SLC13A1: variants seen among roughly 807,000 people sequenced by gnomAD.
SLC13A1 encodes solute carrier family 13 member 1.
A neutral mutation model predicts 70.0 loss-of-function variants in SLC13A1; 65 were observed. The observed-to-expected ratio is 0.93, with a 90% CI of 0.76 to 1.14. The LOEUF is 1.14. SLC13A1 is among the 50% of genes most tolerant of loss of function. SLC13A1 has a pLI of 0.00. For missense variants in SLC13A1, 726 were observed against 717.8 expected, an observed-to-expected ratio of 1.01 and a Z score of -0.13; for synonymous variants, 275 against 250.5, an observed-to-expected ratio of 1.10 and a Z score of -0.92.
At chr7:123,119,862 C>T (rs1284552633) in intron 12 of SLC13A1, among the ~76,000 whole-genome samples, 1 of 151,904 alleles carries the variant, frequency 6.6e-6, no homozygotes, top group Non-Finnish European at 1.5e-5. Flanking sequence ...ATGTTTACCC[C>T]TATGATTAAA....
Position 123,171,894 on chromosome 7 carries a change from G to A in SLC13A1, c.239C>T (p.Ala80Val). The A allele has an allele frequency of 6.2e-7, 1 of 1,612,514 alleles. No individual in the cohort carries two copies. Among genetic ancestry groups the A allele is most frequent in the Non-Finnish European group, 8.5e-7 (1 of 1,179,342 alleles). Residue 80 changes from alanine (A) to valine (V), a missense_variant, in exon 3 of 15, where the codon GCT becomes GTT. By Grantham distance (64) the Ala-to-Val change is moderately conservative. Coordinates refer to ENST00000194130, the MANE Select transcript of SLC13A1 (RefSeq NM_022444.4). ...GIMPSKKVASAYFKDFHLLLI... is the reference protein window; with the variant it reads ...GIMPSKKVASVYFKDFHLLLI... The stretch of plus-strand genomic sequence containing the variant: ...CAGTAAGTGAAAATCCTTGAAATAA[G>A]CAGATGCCACCTGAAATAACAATTA...
rs1196489519 is a variant in SLC13A1, at chr7:123,114,544, A to G, written c.*974T>C. The G allele has an allele frequency of 2.0e-5, 3 of 151,606 alleles. No individual in the cohort carries two copies. 9.4% of individuals were successfully genotyped at this position (151,606 alleles called of 1,614,324 possible). On this transcript the variant is annotated 3_prime_UTR_variant, in exon 15 of 15. Coordinates refer to ENST00000194130, the MANE Select transcript of SLC13A1 (RefSeq NM_022444.4). The stretch of plus-strand genomic sequence containing the variant: ...TTCTTTTTTTCATTTTTTCATTGCA[A>G]TGTTAACACACCAGAGTTATGTGAT...
rs184331713 is a variant in SLC13A1, at chr7:123,178,085, G to A, written c.228+2888C>T. Reference sequence around the variant, plus strand: ...TGTGTATTTTCACATTCATATATGTGAAATTTATATTTAAATATTTTCGAT... The same window carrying A: ...TGTGTATTTTCACATTCATATATGTAAAATTTATATTTAAATATTTTCGAT... On this transcript the variant is annotated intron_variant, in intron 2 of 14. Transcript: ENST00000194130. 8.0e-3 allele frequency among the ~76,000 whole-genome samples: 1,216 copies of A among 151,106 alleles called. 18 individuals carry two copies. The highest frequency in any genetic ancestry group is 0.028 in the African/African-American group (1,133 of 41,110).
chr7:123,194,226 T>G (rs1365824374), intron 1 of SLC13A1, among the ~76,000 whole-genome samples: 1 of 152,062 alleles, frequency 6.6e-6, no homozygotes, highest in Non-Finnish European at 1.5e-5. Flanking sequence ...TTAGTTTACA[T>G]CACAGCCTGA....
Position 123,128,891 on chromosome 7 carries a change from T to C in SLC13A1, c.1087A>G (p.Ser363Gly). The C allele has an allele frequency of 6.2e-7, 1 of 1,613,616 alleles. No individual in the cohort carries two copies. The highest frequency in any genetic ancestry group is 8.5e-7 in the Non-Finnish European group (1 of 1,179,760). The part of the protein sequence containing the change: ...LFIIMALLWF[S>G]RDPGFVPGWS... Reference sequence around the variant, plus strand: ...CCAGGAACAAATCCGGGGTCTCGACTAAACCATAGCAGAGCCATTATAATG... The same window carrying C: ...CCAGGAACAAATCCGGGGTCTCGACCAAACCATAGCAGAGCCATTATAATG... The change falls in exon 10 of 15, where the codon AGT (serine) becomes GGT (glycine). Residue 363 changes from serine (S) to glycine (G), a missense_variant. Physicochemically the swap from Ser to Gly is moderately conservative, Grantham distance 56. Transcript: ENST00000194130.
At chr7:123,184,525 T>C (rs892681463) in intron 1 of SLC13A1, among the ~76,000 whole-genome samples, 18 of 152,112 alleles carry the variant, frequency 1.2e-4, no homozygotes, top group African/African-American at 4.1e-4. Flanking sequence ...TTCCTGTCCC[T>C]GGCTTATTTC....
At chr7:123,119,409 A>G (rs1056836524) in intron 12 of SLC13A1, among the ~76,000 whole-genome samples, 167 bp from the exon 13 acceptor site, 2 of 152,040 alleles carry the variant, frequency 1.3e-5, no homozygotes, top group Non-Finnish European at 2.9e-5. Flanking sequence ...CTTTGGTAGG[A>G]AGGAGCTATT....
At chr7:123,198,414 C>A (rs1164459892) in intron 1 of SLC13A1, among the ~76,000 whole-genome samples, 1 of 144,256 alleles carries the variant, frequency 6.9e-6, no homozygotes, top group Non-Finnish European at 1.5e-5. Flanking sequence ...TTTACAAATT[C>A]TGTACGAATT....
At chr7:123,139,973 C>T (rs6964272) in intron 7 of SLC13A1, among the ~76,000 whole-genome samples, 48,077 of 151,826 alleles carry the variant, frequency 0.32, 7,917 homozygotes, top group African/African-American at 0.41. Flanking sequence ...TGAAAGTGGG[C>T]ATCATTTTCA....
chr7:123,135,916 T>C (rs546949660), intron 7 of SLC13A1, among the ~76,000 whole-genome samples: 2 of 152,306 alleles, frequency 1.3e-5, no homozygotes, highest in East Asian at 1.9e-4. Context: ...GTGTGATGAA[T>C]GGAAAAATAC....
At chr7:123,130,395 C>A (rs561653948) in intron 8 of SLC13A1, among the ~76,000 whole-genome samples, 8 of 152,088 alleles carry the variant, frequency 5.3e-5, no homozygotes, top group Non-Finnish European at 7.4e-5. Flanking sequence ...AAACAAGGAA[C>A]AAGATCATGT....
intron 7 of SLC13A1, among the ~76,000 whole-genome samples, chr7:123,136,057 C>T (rs1446209636): frequency 6.6e-6 from 1 of 152,094 alleles, no homozygotes. Flanking sequence ...TACAGGATGA[C>T]CTATGTTATT....
At chr7:123,128,590 A>G (rs569149181) in intron 10 of SLC13A1, among the ~76,000 whole-genome samples, 68 of 152,282 alleles carry the variant, frequency 4.5e-4, no homozygotes, top group African/African-American at 1.4e-3. Context: ...GGAATTTTGT[A>G]GGGATGGGAA....
chr7:123,168,238 C>T (rs766233187), intron 6 of SLC13A1, 136 bp downstream of exon 6: 4 of 592,470 alleles, frequency 6.8e-6, no homozygotes, highest in Non-Finnish European at 1.2e-5. Flanking sequence ...AACCATTACA[C>T]CATGCTACTG....
At chr7:123,171,956 A>C in intron 2 of SLC13A1, 52 bp from the exon 3 acceptor site, 1 of 1,550,740 alleles carries the variant, frequency 6.4e-7, no homozygotes, top group Non-Finnish European at 8.8e-7. Context: ...GAAAAATAAC[A>C]TTGCACAAGA....
intron 1 of SLC13A1, chr7:123,190,475 A>G (rs1795957144): frequency 6.8e-6 from 3 of 444,238 alleles, no homozygotes; most frequent in Middle Eastern, 3.4e-4. Context: ...GAGTACAAGC[A>G]TAAGTAAGGG....
At chr7:123,175,540 G>A (rs569782768) in intron 2 of SLC13A1, among the ~76,000 whole-genome samples, 2 of 152,102 alleles carry the variant, frequency 1.3e-5, no homozygotes, top group African/African-American at 2.4e-5. Context: ...TATAAAAGGG[G>A]CCTGAGAGAG....
intron 6 of SLC13A1, among the ~76,000 whole-genome samples, chr7:123,165,351 T>C (rs1795035172): frequency 6.6e-6 from 1 of 152,134 alleles, no homozygotes; most frequent in South Asian, 2.1e-4. Context: ...TCGCTTTCCT[T>C]TCCTAAACTC....
Position 123,117,608 on chromosome 7 carries a change from C to G in SLC13A1, c.1513G>C (p.Ala505Pro). 6.3e-7 allele frequency: 1 copy of G among 1,596,912 alleles called. No individual in the cohort carries two copies. The highest frequency in any genetic ancestry group is 1.1e-5 in the South Asian group (1 of 88,366). The change falls in exon 14 of 15, where the codon GCC (alanine) becomes CCC (proline). Residue 505 changes from alanine (A) to proline (P), a missense_variant and splice_region_variant. Transcript: ENST00000194130. ...AGAGGGTTCACATGAATGGCTTCGG[C>G]CTGTTGTAAGAGATAAAAAAGAGTC... ...TLFLPILSPL[A>P]EAIHVNPLYI...
Sources: gnomAD v4.1 joint callset for allele counts (sites outside exome capture counted in the v4.1 genomes callset) on GRCh38, gnomAD v4.1.1 for gene constraint, MANE v1.5 for transcripts, NCBI Gene and HGNC (gene_info 2026-07-23, HGNC 2026-07-21) for gene names.